Variants in CBR4 observed in about 807,000 individuals in gnomAD.
CBR4 encodes carbonyl reductase 4, also known as 3-oxoacyl-[acyl-carrier-protein] reductase.
A neutral mutation model predicts 21.0 loss-of-function variants in CBR4; 22 were observed. The ratio of observed to expected loss-of-function variants is 1.05; its 90% CI spans 0.75 to 1.50. The LOEUF (loss-of-function observed/expected upper bound fraction) is 1.50, where lower values mean the gene tolerates loss of function less well. Ranked by LOEUF, CBR4 falls within the 40% of genes most tolerant of loss-of-function variation. The pLI, the probability that CBR4 is intolerant of heterozygous loss-of-function variation, is 0.00. For synonymous variants in CBR4, 100 were observed against 104.4 expected, an observed-to-expected ratio of 0.96 and a Z score of 0.26; for missense variants, 302 against 286.3, an observed-to-expected ratio of 1.05 and a Z score of -0.40.
At chr4:168,982,914 A>C (rs1764583704), downstream of CBR4, among the ~76,000 whole-genome samples, 1 of 152,208 alleles carries the variant, frequency 6.6e-6, no homozygotes, top group Non-Finnish European at 1.5e-5. Context: ...GACACAGCTA[A>C]AGTAGTGTCA....
At chr4:168,957,852 C>A (rs1763731767) in intron 2 of CBR4, among the ~76,000 whole-genome samples, 1 of 152,122 alleles carries the variant, frequency 6.6e-6, no homozygotes, top group South Asian at 2.1e-4. Context: ...TACCTCCATG[C>A]TGTTCTCGTG....
At chr4:168,976,073 C>T (rs1764362354) in intron 2 of CBR4, among the ~76,000 whole-genome samples, 1 of 152,222 alleles carries the variant, frequency 6.6e-6, no homozygotes, top group African/African-American at 2.4e-5. Flanking sequence ...CCAACATGTT[C>T]AGCTGCATCT....
chr4:168,975,395 G>A (rs1451015862), intron 2 of CBR4, among the ~76,000 whole-genome samples: 1 of 152,208 alleles, frequency 6.6e-6, no homozygotes, highest in African/African-American at 2.4e-5. Flanking sequence ...TAGCAGTGAA[G>A]TTGTCACAAG....
chr4:169,007,717 T>C lies in CBR4; in HGVS notation c.182A>G (p.His61Arg), dbSNP rs746743478. 3.2e-5 allele frequency: 51 copies of C among 1,592,198 alleles called. No homozygotes were observed. The highest frequency in any genetic ancestry group is 1.1e-4 in the African/African-American group (8 of 74,134). The stretch of plus-strand genomic sequence containing the variant: ...CTCTTCAAATGTATTTTGAACATCA[T>C]GTTCTTTAGCAACATCACAGCTAAA... The part of the protein sequence containing the change: ...LAFSCDVAKE[H>R]DVQNTFEELE... Residue 61 changes from histidine to arginine, a missense_variant, in exon 2 of 5, where the codon CAT becomes CGT. Physicochemically the swap from His to Arg is conservative, Grantham distance 29. Coordinates refer to ENST00000306193, the MANE Select transcript of CBR4 (RefSeq NM_032783.5).
At chr4:168,924,297 A>C in intron 2 of CBR4, 1 of 1,613,966 alleles carries the variant, frequency 6.2e-7, no homozygotes, top group Non-Finnish European at 8.5e-7. Flanking sequence ...GAGAAGCTCC[A>C]AAACACAGGA....
chr4:168,917,256 G>T (rs1760365790), intron 2 of CBR4, among the ~76,000 whole-genome samples: 1 of 151,572 alleles, frequency 6.6e-6, no homozygotes, highest in South Asian at 2.1e-4. Context: ...CACCATATTG[G>T]CCAGGCTGGT....
chr4:168,954,006 T>C (rs1763617473), intron 2 of CBR4, among the ~76,000 whole-genome samples: 1 of 151,966 alleles, frequency 6.6e-6, no homozygotes, highest in Non-Finnish European at 1.5e-5. Flanking sequence ...AAGACTCAAA[T>C]ATAGTTTGAA....
downstream of CBR4, among the ~76,000 whole-genome samples, chr4:168,987,132 T>C (rs754343462): frequency 1.2e-4 from 19 of 152,198 alleles, no homozygotes; most frequent in Non-Finnish European, 2.5e-4. Flanking sequence ...GCCAAAGCTT[T>C]CTAATTAAAT....
intron 2 of CBR4, among the ~76,000 whole-genome samples, chr4:168,962,069 GAA>G (rs1560965712): frequency 2.0e-5 from 3 of 151,710 alleles, no homozygotes; most frequent in Non-Finnish European, 4.4e-5. Flanking sequence ...TTTTTAAAAA[GAA>G]AAAAGATGTA....
At chr4:169,002,295 A>G (rs1248312174) in intron 3 of CBR4, 90 bp from the exon 4 acceptor site, 4 of 1,250,676 alleles carry the variant, frequency 3.2e-6, no homozygotes, top group Admixed American at 3.9e-5. Flanking sequence ...ATAGTAAACA[A>G]AAAGGTAAAA....
chr4:168,974,997 C>G (rs1255958768), intron 2 of CBR4, among the ~76,000 whole-genome samples: 1 of 152,116 alleles, frequency 6.6e-6, no homozygotes, highest in African/African-American at 2.4e-5. Flanking sequence ...TGTCATATTA[C>G]CAGAGTTACT....
intron 2 of CBR4, among the ~76,000 whole-genome samples, chr4:168,977,306 T>A (rs964991672): frequency 1.3e-5 from 2 of 152,312 alleles, no homozygotes; most frequent in Admixed American, 1.3e-4. Context: ...TATCAAGAAC[T>A]CCTTCCTTCA....
intron 2 of CBR4, among the ~76,000 whole-genome samples, chr4:168,923,441 G>T (rs1761975726): frequency 6.6e-6 from 1 of 152,120 alleles, no homozygotes; most frequent in African/African-American, 2.4e-5. Flanking sequence ...TAGTTCAAAA[G>T]AAAATAAGTA....
Position 168,987,644 on chromosome 4 carries a change from G to A in CBR4, c.*2506C>T. ...ACAGTTTGTTTACCAAGTTAGGACA[G>A]TGGTTATGATTTCTCAATTTACACA... On this transcript the variant is annotated 3_prime_UTR_variant, in exon 5 of 5. Transcript: ENST00000306193. The A allele has an allele frequency of 2.1e-6, 2 of 961,616 alleles. No homozygotes were observed. Among genetic ancestry groups the A allele is most frequent in the Non-Finnish European group, 2.5e-6 (2 of 808,340 alleles). 59.6% of individuals were successfully genotyped at this position (961,616 alleles called of 1,614,324 possible). A position where few individuals can be genotyped will look rare whatever the true frequency, so the allele number is the denominator to read the frequency against.
rs112365383 is a variant in CBR4 at position 168,906,969 on chromosome 4, G to A, written n.170-12204C>T. Among the ~76,000 whole-genome samples, 134 of 152,258 alleles carry A rather than the reference G, an allele frequency of 8.8e-4. 1 individual carries two copies. Among genetic ancestry groups the A allele is most frequent in the African/African-American group, 3.2e-3 (132 of 41,552 alleles). On this transcript the variant is annotated intron_variant and non_coding_transcript_variant, in intron 2 of 3. Coordinates refer to the CBR4 transcript ENST00000509108. ...TGATACTGAAAAAACCTAGGATGAGGCCGGCAGGCCATGCAGTACAGGGGT... is the reference window on the plus strand; with the variant it reads ...TGATACTGAAAAAACCTAGGATGAGACCGGCAGGCCATGCAGTACAGGGGT...
intron 2 of CBR4, chr4:168,904,140 C>T: frequency 3.9e-6 from 2 of 515,388 alleles, no homozygotes; most frequent in Non-Finnish European, 7.0e-6. Context: ...TATTAAGGGT[C>T]TAATATGTAC....
chr4:168,930,717 C>G (rs1762950654), intron 2 of CBR4, among the ~76,000 whole-genome samples: 4 of 152,160 alleles, frequency 2.6e-5, no homozygotes, highest in Admixed American at 2.6e-4. Context: ...GCCCATGCCC[C>G]TGCATCCCCC....
At chr4:168,919,243 G>A (rs551345446) in intron 2 of CBR4, among the ~76,000 whole-genome samples, 87 of 152,186 alleles carry the variant, frequency 5.7e-4, no homozygotes, top group African/African-American at 1.5e-3. Context: ...GTGAAAAATC[G>A]GCCAGGCACG....
chr4:168,970,736 C>T (rs1764181199), intron 2 of CBR4, among the ~76,000 whole-genome samples: 1 of 151,526 alleles, frequency 6.6e-6, no homozygotes, highest in Non-Finnish European at 1.5e-5. Context: ...GTTTTCCATT[C>T]CTGAGTTACT....
Sources: allele counts gnomAD v4.1 joint callset (sites outside exome capture counted in the v4.1 genomes callset), GRCh38; gene constraint gnomAD v4.1.1; transcripts MANE v1.5; gene names NCBI Gene and HGNC (gene_info 2026-07-23, HGNC 2026-07-21).